The following CDK14 variants were observed in gnomAD, a reference collection of about 807,000 sequenced individuals.
The protein encoded by CDK14 is cyclin dependent kinase 14, also known as cyclin-dependent kinase 14.
A neutral mutation model predicts 60.7 loss-of-function variants in CDK14; 34 were observed. That is an observed-to-expected ratio of 0.56 (90% CI 0.43 to 0.75). CDK14 has a LOEUF of 0.75. CDK14 is among the 30% of genes least tolerant of loss of function. The pLI is 0.00. For missense variants in CDK14, 482 were observed against 564.1 expected, an observed-to-expected ratio of 0.85 and a Z score of 1.47; for synonymous variants, 197 against 203.7, an observed-to-expected ratio of 0.97 and a Z score of 0.28.
chr7:90,816,706 AC>A (rs1789370968), intron 5 of CDK14, among the ~76,000 whole-genome samples: 1 of 152,226 alleles, frequency 6.6e-6, no homozygotes. Context: ...TGATAGGACT[AC>A]GTACAGAAAC....
intron 1 of CDK14, chr7:90,597,360 G>A (rs905635297): frequency 2.0e-5 from 3 of 152,200 alleles, no homozygotes; most frequent in African/African-American, 7.2e-5. Flanking sequence ...AGAGCTCAGG[G>A]GCTGTTGTCT....
intron 14 of CDK14, among the ~76,000 whole-genome samples, chr7:91,204,626 A>T (rs988389218): frequency 6.6e-6 from 1 of 152,206 alleles, no homozygotes; most frequent in African/African-American, 2.4e-5. Context: ...TCCAAAGAAG[A>T]TATTCATATG....
intron 10 of CDK14, among the ~76,000 whole-genome samples, chr7:91,029,318 T>C (rs2115925546): frequency 6.6e-6 from 1 of 152,292 alleles, no homozygotes; most frequent in Non-Finnish European, 1.5e-5. Context: ...TTTGGTTTCA[T>C]ATGAATTGTA....
intron 6 of CDK14, among the ~76,000 whole-genome samples, chr7:90,890,602 T>C (rs574598285): frequency 3.9e-5 from 6 of 152,200 alleles, no homozygotes; most frequent in Non-Finnish European, 8.8e-5. Flanking sequence ...GGAAGTGAAG[T>C]AGATAAGTAC....
chr7:90,861,663 A>G (rs1395588296), intron 5 of CDK14, among the ~76,000 whole-genome samples: 7 of 152,120 alleles, frequency 4.6e-5, no homozygotes, highest in Non-Finnish European at 1.0e-4. Context: ...AGGAAAAGGG[A>G]GAAATTAAGG....
At chr7:90,783,976 A>G (rs1805458762) in intron 4 of CDK14, among the ~76,000 whole-genome samples, 1 of 152,150 alleles carries the variant, frequency 6.6e-6, no homozygotes, top group African/African-American at 2.4e-5. Flanking sequence ...CTGCACCCCC[A>G]TGTTTATTGC....
chr7:91,011,166 A>G (rs1054208449), intron 10 of CDK14, among the ~76,000 whole-genome samples: 1 of 151,942 alleles, frequency 6.6e-6, no homozygotes, highest in Non-Finnish European at 1.5e-5. Flanking sequence ...ATCATCTTGC[A>G]TCATCTTGAA....
intron 4 of CDK14, among the ~76,000 whole-genome samples, chr7:90,760,537 A>G (rs1804271161): frequency 6.6e-6 from 1 of 152,154 alleles, no homozygotes; most frequent in African/African-American, 2.4e-5. Context: ...ACATTTTACA[A>G]GCTCTGCTGT....
At chr7:90,857,136 C>T (rs1790849244) in intron 5 of CDK14, among the ~76,000 whole-genome samples, 1 of 151,054 alleles carries the variant, frequency 6.6e-6, no homozygotes, top group Admixed American at 6.6e-5. Flanking sequence ...CACACCACTA[C>T]AGTGGGTATC....
chr7:91,003,503 T>C lies in CDK14; in HGVS notation c.1041+19262T>C, dbSNP rs193263383. Among the ~76,000 whole-genome samples, 14 of 152,336 alleles carry C rather than the reference T, an allele frequency of 9.2e-5. No homozygotes were observed. In the East Asian group the frequency reaches 1.7e-3, roughly 19 times the overall value. ...TCGTTTGTTCCTTTCTCATGTGTAA[T>C]GCAAGCTGGTAGATGGATGGGCTGT... is the stretch of plus-strand genomic sequence containing the variant. On this transcript the variant is annotated intron_variant, in intron 10 of 14. Transcript: ENST00000380050.
chr7:91,183,724 GT>G (rs1159691568), intron 14 of CDK14, among the ~76,000 whole-genome samples: 8 of 152,128 alleles, frequency 5.3e-5, no homozygotes, highest in Non-Finnish European at 4.4e-5. Context: ...AAGCTCCTCT[GT>G]TTTAATTTCA....
rs1188782808 is a variant in CDK14 at position 90,954,735 on chromosome 7, C to T, written c.827-962C>T. On this transcript the variant is annotated intron_variant, in intron 8 of 14. Transcript: ENST00000380050. Reference sequence around the variant, plus strand: ...CGCCTCCCGGGTTCACGCCATTCTCCTGCCTCAGCCTCCCAAGTAGCTGGG... The same window carrying T: ...CGCCTCCCGGGTTCACGCCATTCTCTTGCCTCAGCCTCCCAAGTAGCTGGG... Among the ~76,000 whole-genome samples the T allele has an allele frequency of 5.8e-4, 6 of 10,326 alleles. 3 individuals are homozygous for T. Among genetic ancestry groups the T allele is most frequent in the African/African-American group, 1.1e-3 (6 of 5,488 alleles). The allele number at this position is 10,326 out of a possible 152,430, so 6.8% of individuals were successfully genotyped here.
At chr7:90,837,764 G>C (rs549802069) in intron 5 of CDK14, among the ~76,000 whole-genome samples, 1 of 152,186 alleles carries the variant, frequency 6.6e-6, no homozygotes, top group Admixed American at 6.5e-5. Context: ...GGGGAAGGTG[G>C]GCAGACAGAT....
rs1441694988 is a variant in CDK14, at chr7:90,895,414, T to A, written c.640-3877T>A. Reference sequence around the variant, plus strand: ...TCCTCTCCTCTCCTCTCCTCTCCTCTCCTCTCCTCTCCTCTCCTCTCCTCT... The same window carrying A: ...TCCTCTCCTCTCCTCTCCTCTCCTCACCTCTCCTCTCCTCTCCTCTCCTCT... On this transcript the variant is annotated intron_variant, in intron 6 of 14. Transcript: ENST00000380050. 2.5e-3 allele frequency among the ~76,000 whole-genome samples: 42 copies of A among 16,608 alleles called. 1 individual carries two copies. Among genetic ancestry groups the A allele is most frequent in the African/African-American group, 0.01 (40 of 3,826 alleles). 10.9% of individuals were successfully genotyped at this position (16,608 alleles called of 152,430 possible).
chr7:90,596,638 T>G lies in CDK14; in HGVS notation c.11T>G (p.Leu4Arg). ...CTCCGCGTCGCCCAGATGTGTGACC[T>G]CATTGAGCCGCAGCCGGCCGAGAAG... The part of the protein sequence containing the change: MCD[L>R]IEPQPAEKIG... The change falls in exon 1 of 15, where the codon CTC (leucine) becomes CGC (arginine). Residue 4 changes from leucine (L) to arginine (R), a missense_variant. Leu to Arg is a moderately radical substitution (Grantham distance 102). Transcript: ENST00000380050. The G allele has an allele frequency of 6.2e-7, 1 of 1,611,784 alleles. No homozygotes were observed. The highest frequency in any genetic ancestry group is 1.7e-5 in the Admixed American group (1 of 60,012).
intron 14 of CDK14, among the ~76,000 whole-genome samples, chr7:91,201,200 T>C (rs183289885): frequency 8.5e-5 from 13 of 152,312 alleles, no homozygotes; most frequent in African/African-American, 2.9e-4. Flanking sequence ...TATTTTTTTC[T>C]TGAAGAGAAA....
intron 2 of CDK14, among the ~76,000 whole-genome samples, chr7:90,663,228 T>C (rs1263813878): frequency 6.6e-6 from 1 of 152,192 alleles, no homozygotes; most frequent in East Asian, 1.9e-4. Flanking sequence ...TCACTTCATG[T>C]GTATTGCTTT....
At chr7:90,734,663 T>G (rs6952361) in intron 3 of CDK14, among the ~76,000 whole-genome samples, 50,535 of 151,908 alleles carry the variant, frequency 0.33, 8,768 homozygotes, top group Middle Eastern at 0.42. Context: ...GCTCCATTAG[T>G]TCATTTATAT....
chr7:91,132,442 G>T (rs1029086699), intron 14 of CDK14, among the ~76,000 whole-genome samples: 3 of 152,100 alleles, frequency 2.0e-5, no homozygotes, highest in Non-Finnish European at 2.9e-5. Flanking sequence ...GATTCTGAGG[G>T]TCTTGAATGA....
Sources: allele counts gnomAD v4.1 joint callset (sites outside exome capture counted in the v4.1 genomes callset), GRCh38; gene constraint gnomAD v4.1.1; transcripts MANE v1.5; gene names NCBI Gene and HGNC (gene_info 2026-07-23, HGNC 2026-07-21).